The following CCSER1 variants were observed in gnomAD, a reference collection of about 807,000 sequenced individuals.
CCSER1 encodes the protein coiled-coil serine rich protein 1, also known as serine-rich coiled-coil domain-containing protein 1.
A neutral mutation model predicts 82.0 loss-of-function variants in CCSER1; 41 were observed. That is an observed-to-expected ratio of 0.50 (90% CI 0.39 to 0.65). The LOEUF (loss-of-function observed/expected upper bound fraction) is 0.65, where lower values mean the gene tolerates loss of function less well. CCSER1 is among the 30% of genes least tolerant of loss of function. The probability of loss-of-function intolerance (pLI) is 0.00; values close to 1 mark genes in which losing one functional copy is unlikely to be tolerated. For missense variants in CCSER1, 1,119 were observed against 1,064.2 expected (o/e 1.05, Z -0.72); for synonymous variants, 414 against 383.9 (o/e 1.08, Z -0.92).
intron 1 of CCSER1, among the ~76,000 whole-genome samples, chr4:90,273,792 T>C (rs1727040770): frequency 6.6e-6 from 1 of 152,004 alleles, no homozygotes; most frequent in Non-Finnish European, 1.5e-5. Flanking sequence ...CAGAACAACA[T>C]GAGTAAGAGT....
chr4:90,794,166 A>G (rs1755651390), intron 7 of CCSER1, among the ~76,000 whole-genome samples: 1 of 152,162 alleles, frequency 6.6e-6, no homozygotes, highest in Non-Finnish European at 1.5e-5. Context: ...CTTTTGTTTA[A>G]TTAGATGCCA....
intron 10 of CCSER1, among the ~76,000 whole-genome samples, chr4:91,401,446 C>T (rs527618174): frequency 6.8e-4 from 103 of 150,920 alleles, no homozygotes; most frequent in Admixed American, 3.9e-3. Context: ...ATGTGCACAA[C>T]GTGCAGGTTT....
rs201162855 is a variant in CCSER1 at position 91,086,520 on chromosome 4, CT to C, written c.2217+527del. 7.9e-3 allele frequency among the ~76,000 whole-genome samples: 1,196 copies of C among 151,896 alleles called. 11 individuals carry two copies. Among genetic ancestry groups the C allele is most frequent in the African/African-American group, 0.027 (1,109 of 41,492 alleles). Reference sequence around the variant, plus strand: ...CTTAACATCACTTAATTTTTTTTCCCTGCTAAATGTATAAATGCTGTACTTA... The same window carrying C: ...CTTAACATCACTTAATTTTTTTTCCCGCTAAATGTATAAATGCTGTACTTA... On this transcript the variant is annotated intron_variant, in intron 10 of 10. Transcript: ENST00000509176.
At chr4:91,403,564 G>A (rs745420449) in intron 10 of CCSER1, among the ~76,000 whole-genome samples, 6 of 152,086 alleles carry the variant, frequency 3.9e-5, no homozygotes, top group Non-Finnish European at 8.8e-5. Flanking sequence ...TTTGAGATAC[G>A]TCCCATCGAT....
chr4:91,528,670 C>T (rs968241651), intron 10 of CCSER1, among the ~76,000 whole-genome samples: 15 of 152,178 alleles, frequency 9.9e-5, no homozygotes, highest in African/African-American at 9.6e-5. Context: ...AAATAATAAA[C>T]ATTAGATGTA....
At chr4:91,163,218 A>G (rs946666754) in intron 10 of CCSER1, among the ~76,000 whole-genome samples, 8 of 152,204 alleles carry the variant, frequency 5.3e-5, no homozygotes, top group African/African-American at 1.9e-4. Context: ...CAGATTGTTC[A>G]GTTTCCATGT....
At chr4:90,912,775 G>A (rs1170035727) in intron 8 of CCSER1, among the ~76,000 whole-genome samples, 2 of 152,136 alleles carry the variant, frequency 1.3e-5, no homozygotes, top group Non-Finnish European at 2.9e-5. Flanking sequence ...AGAATAACCA[G>A]TGTAGAGAAG....
intron 1 of CCSER1, among the ~76,000 whole-genome samples, chr4:90,240,239 G>A (rs188792620): frequency 3.9e-5 from 6 of 152,286 alleles, no homozygotes; most frequent in Admixed American, 6.5e-5. Context: ...AGAGTATGGG[G>A]CCTGTAGTGG....
intron 9 of CCSER1, among the ~76,000 whole-genome samples, chr4:90,971,913 T>C (rs757483320): frequency 2.0e-5 from 3 of 151,784 alleles, no homozygotes; most frequent in Admixed American, 6.6e-5. Context: ...TCTCAATAAA[T>C]GCAGAAAAAG....
rs555224831 is a variant in CCSER1 at position 91,450,115 on chromosome 4, AT to A, written c.2218-148454del. 7.1e-4 allele frequency among the ~76,000 whole-genome samples: 108 copies of A among 151,726 alleles called. 1 individual carries two copies. Among genetic ancestry groups the A allele is most frequent in the East Asian group, 2.9e-3 (15 of 5,146 alleles). On this transcript the variant is annotated intron_variant, in intron 10 of 10. Coordinates refer to ENST00000509176, the MANE Select transcript of CCSER1 (RefSeq NM_001145065.2). ...AAACAAAGCCTCACAATGGCTGGAG[AT>A]TTGTTTTTATACAGGATGGGTCGTC...
chr4:90,482,688 G>T (rs1766247805), intron 5 of CCSER1, among the ~76,000 whole-genome samples: 1 of 152,154 alleles, frequency 6.6e-6, no homozygotes, highest in African/African-American at 2.4e-5. Context: ...GGTTTTGAGT[G>T]AGTTTCTTAA....
Position 91,600,065 on chromosome 4 carries a change from G to C in CCSER1, c.*1008G>C, listed in dbSNP as rs948329950. Reference sequence around the variant, plus strand: ...CAGAAAGTCAGTATTTTAGTAGCCAGCATACAATATTCTGACTATGCAGAA... The same window carrying C: ...CAGAAAGTCAGTATTTTAGTAGCCACCATACAATATTCTGACTATGCAGAA... On this transcript the variant is annotated 3_prime_UTR_variant, in exon 11 of 11. Transcript: ENST00000509176. The C allele has an allele frequency of 6.6e-6, 1 of 152,044 alleles. No individual in the cohort carries two copies. Among genetic ancestry groups the C allele is most frequent in the African/African-American group, 2.4e-5 (1 of 41,418 alleles). The allele number at this position is 152,044 out of a possible 1,614,324, so 9.4% of individuals were successfully genotyped here. A position where few individuals can be genotyped will look rare whatever the true frequency, so the allele number is the denominator to read the frequency against.
At chr4:91,076,139 C>T (rs1363347583) in intron 9 of CCSER1, among the ~76,000 whole-genome samples, 1 of 152,150 alleles carries the variant, frequency 6.6e-6, no homozygotes, top group Non-Finnish European at 1.5e-5. Flanking sequence ...GGAAAATCCT[C>T]TTAAGCCATT....
chr4:91,061,210 GA>G (rs1221688738), intron 9 of CCSER1, among the ~76,000 whole-genome samples: 22 of 150,896 alleles, frequency 1.5e-4, no homozygotes, highest in Non-Finnish European at 2.7e-4. Flanking sequence ...TATAGTAAAT[GA>G]AAAAAATATA....
chr4:91,552,002 A>T (rs1026113757), intron 10 of CCSER1, among the ~76,000 whole-genome samples: 2 of 151,794 alleles, frequency 1.3e-5, no homozygotes, highest in Non-Finnish European at 2.9e-5. Context: ...GTAGTAGGAA[A>T]TTCTGATATT....
chr4:90,776,277 A>G (rs1406675026), intron 7 of CCSER1, among the ~76,000 whole-genome samples: 3 of 152,186 alleles, frequency 2.0e-5, no homozygotes, highest in Non-Finnish European at 2.9e-5. Context: ...AAGCAGGTAG[A>G]TCACCTCATA....
At chr4:91,021,204 T>C (rs920182262) in intron 9 of CCSER1, among the ~76,000 whole-genome samples, 1 of 152,170 alleles carries the variant, frequency 6.6e-6, no homozygotes, top group African/African-American at 2.4e-5. Context: ...AGTCTCTTTC[T>C]TCCTTCCTTT....
Position 90,664,793 on chromosome 4 carries a change from G to A in CCSER1, c.1932+36561G>A, listed in dbSNP as rs543946946. ...CACATGCCTGTAATCCCAGTGACTC[G>A]GGAGGCTGAGGCAGGAGAATTGCTT... On this transcript the variant is annotated intron_variant, in intron 6 of 10. Coordinates refer to ENST00000509176, the MANE Select transcript of CCSER1 (RefSeq NM_001145065.2). Among the ~76,000 whole-genome samples, 18 of 152,202 alleles carry A rather than the reference G, an allele frequency of 1.2e-4. No homozygotes were observed. The South Asian group carries it at 1.9e-3, about 16-fold the overall frequency.
At chr4:91,499,808 T>C (rs185013627) in intron 10 of CCSER1, among the ~76,000 whole-genome samples, 10 of 152,178 alleles carry the variant, frequency 6.6e-5, no homozygotes, top group Non-Finnish European at 1.3e-4. Flanking sequence ...GCTTGGTGGC[T>C]CATTCATTTG....
Sources: allele counts gnomAD v4.1 joint callset (sites outside exome capture counted in the v4.1 genomes callset), GRCh38; gene constraint gnomAD v4.1.1; transcripts MANE v1.5; gene names NCBI Gene and HGNC (gene_info 2026-07-23, HGNC 2026-07-21).